Variants in RELN observed in about 807,000 individuals in gnomAD.
RELN encodes reelin.
A neutral mutation model predicts 427.6 loss-of-function variants in RELN; 108 were observed. The ratio of observed to expected loss-of-function variants is 0.25; its 90% confidence interval spans 0.22 to 0.30. The LOEUF (loss-of-function observed/expected upper bound fraction) is 0.30. RELN is among the 10% of genes least tolerant of loss of function. RELN has a pLI of 1.00. For synonymous variants in RELN, 1,524 were observed against 1,513.4 expected (o/e 1.01, Z -0.16); for missense variants, 3,715 against 4,302.8 (o/e 0.86, Z 3.82).
At chr7:103,519,198 T>A in intron 49 of RELN, 125 bp downstream of exon 49, 4 of 743,788 alleles carry the variant, frequency 5.4e-6, no homozygotes, top group Non-Finnish European at 9.4e-6. Flanking sequence ...CCTTCTTCAT[T>A]TCAGTCTCAG....
intron 11 of RELN, among the ~76,000 whole-genome samples, chr7:103,675,404 A>G (rs1170892108): frequency 1.3e-5 from 2 of 152,218 alleles, no homozygotes; most frequent in Non-Finnish European, 2.9e-5. Flanking sequence ...AAACAAATGG[A>G]AGAACATTCC....
intron 1 of RELN, among the ~76,000 whole-genome samples, chr7:103,960,031 C>T (rs1369377469): frequency 6.6e-6 from 1 of 152,144 alleles, no homozygotes; most frequent in Non-Finnish European, 1.5e-5. Flanking sequence ...CCATTCTTGC[C>T]CTCTGCCCCC....
chr7:103,741,371 G>C (rs1170801102), intron 6 of RELN, among the ~76,000 whole-genome samples: 1 of 151,734 alleles, frequency 6.6e-6, no homozygotes, highest in African/African-American at 2.4e-5. Context: ...ATATTCCATA[G>C]ATTTTATAAT....
At position 103,556,959 on chromosome 7, in the gene RELN, G is replaced by A. The variant is rs1331686644; in HGVS notation, c.5797+18C>T. 9.4e-6 allele frequency: 15 copies of A among 1,591,686 alleles called. No individual in the cohort carries two copies. Among genetic ancestry groups the A allele is most frequent in the Non-Finnish European group, 1.2e-5 (14 of 1,159,568 alleles). On this transcript the variant is annotated intron_variant, in intron 38 of 64. Coordinates refer to ENST00000428762, the MANE Select transcript of RELN (RefSeq NM_005045.4). Reference sequence around the variant, plus strand: ...GCCACTATCAGTTCTGATCACAGGAGAACACATGCATTTTTACCGTTATTA... The same window carrying A: ...GCCACTATCAGTTCTGATCACAGGAAAACACATGCATTTTTACCGTTATTA...
intron 3 of RELN, among the ~76,000 whole-genome samples, chr7:103,792,540 G>C (rs1202560097): frequency 2.1e-5 from 1 of 46,746 alleles, no homozygotes; most frequent in East Asian, 8.8e-4. Context: ...ACAGAACATA[G>C]ATTAGTAGTG....
At chr7:103,896,427 G>T (rs1035957309) in intron 2 of RELN, among the ~76,000 whole-genome samples, 1 of 152,164 alleles carries the variant, frequency 6.6e-6, no homozygotes, top group East Asian at 1.9e-4. Flanking sequence ...ATAGCAGGAG[G>T]ATGGAAGAAC....
intron 60 of RELN, among the ~76,000 whole-genome samples, chr7:103,487,069 T>C (rs1404139584): frequency 6.6e-6 from 1 of 152,194 alleles, no homozygotes; most frequent in Non-Finnish European, 1.5e-5. Flanking sequence ...TGGAATACTA[T>C]GCAGCCATAT....
At chr7:103,622,137 T>C (rs1030170372) in intron 20 of RELN, among the ~76,000 whole-genome samples, 1 of 152,262 alleles carries the variant, frequency 6.6e-6, no homozygotes, top group Non-Finnish European at 1.5e-5. Context: ...TGTTCAGTGG[T>C]CTGTCTCCTT....
chr7:103,867,202 A>G lies in RELN; in HGVS notation c.338-33530T>C, dbSNP rs78291738. Among the ~76,000 whole-genome samples the G allele has an allele frequency of 9.9e-3, 1,496 of 151,642 alleles. 11 individuals are homozygous for G. Among genetic ancestry groups the G allele is most frequent in the Admixed American group, 0.015 (229 of 15,206 alleles). Reference sequence around the variant, plus strand: ...TTCTGTGTGGATCTTGTTACAAAGTAAATATTATTTATGTGCTGTTATCCC... The same window carrying G: ...TTCTGTGTGGATCTTGTTACAAAGTGAATATTATTTATGTGCTGTTATCCC... On this transcript the variant is annotated intron_variant, in intron 2 of 64. Coordinates refer to ENST00000428762, the MANE Select transcript of RELN (RefSeq NM_005045.4).
chr7:103,950,240 C>T lies in RELN; in HGVS notation c.227-33055G>A, dbSNP rs557266762. ...GGCTCAAAGGCCCTACTTCCTAATA[C>T]CATCACTTTGGGGATCAGGAATTTA... On this transcript the variant is annotated intron_variant, in intron 1 of 64. Transcript: ENST00000428762. Among the ~76,000 whole-genome samples, 245 of 152,258 alleles carry T rather than the reference C, an allele frequency of 1.6e-3. 2 individuals carry two copies. Among genetic ancestry groups the T allele is most frequent in the African/African-American group, 5.4e-3 (225 of 41,550 alleles).
At chr7:103,936,678 A>G (rs960210445) in intron 1 of RELN, among the ~76,000 whole-genome samples, 1 of 151,794 alleles carries the variant, frequency 6.6e-6, no homozygotes, top group African/African-American at 2.4e-5. Flanking sequence ...CTCCCCCAAG[A>G]AATCTGCTGT....
chr7:103,629,377 C>G (rs939968530), intron 20 of RELN, among the ~76,000 whole-genome samples: 35 of 152,138 alleles, frequency 2.3e-4, no homozygotes, highest in Admixed American at 5.9e-4. Context: ...AATTTTGAAA[C>G]CCCAATGGCA....
At chr7:103,801,860 T>C (rs1020892475) in intron 3 of RELN, among the ~76,000 whole-genome samples, 1 of 152,226 alleles carries the variant, frequency 6.6e-6, no homozygotes, top group Non-Finnish European at 1.5e-5. Flanking sequence ...CAGTATGTGT[T>C]AGCCACAATA....
chr7:103,875,416 C>A (rs138633017), intron 2 of RELN, among the ~76,000 whole-genome samples: 1 of 152,064 alleles, frequency 6.6e-6, no homozygotes, highest in Non-Finnish European at 1.5e-5. Flanking sequence ...TCAGAGTGAA[C>A]AGGCAACCTA....
intron 1 of RELN, among the ~76,000 whole-genome samples, chr7:103,974,214 T>G (rs1299265166): frequency 1.3e-5 from 2 of 152,228 alleles, no homozygotes; most frequent in African/African-American, 2.4e-5. Context: ...GTTTTTCATA[T>G]GCAATAACTC....
intron 2 of RELN, among the ~76,000 whole-genome samples, chr7:103,860,381 C>T (rs73712262): frequency 0.011 from 1,651 of 152,242 alleles, 30 homozygotes; most frequent in African/African-American, 0.038. Context: ...GATCACGCTG[C>T]TTTATTGTTC....
At chr7:103,837,587 T>G (rs1232395203) in intron 2 of RELN, among the ~76,000 whole-genome samples, 1 of 152,160 alleles carries the variant, frequency 6.6e-6, no homozygotes, top group Non-Finnish European at 1.5e-5. Flanking sequence ...CACCAAACAT[T>G]GAGAGAAATC....
rs150965607 is a variant in RELN, at chr7:103,818,950, G to A, written c.473+14587C>T. ...AAAAAGCTAGATTAGAGAATAAAAT[G>A]TATAAGAGAACCCCAAGTTTGTAAA... is the stretch of plus-strand genomic sequence containing the variant. On this transcript the variant is annotated intron_variant, in intron 3 of 64. Transcript: ENST00000428762. 2.9e-3 allele frequency among the ~76,000 whole-genome samples: 445 copies of A among 151,922 alleles called. 3 individuals carry two copies. Among genetic ancestry groups the A allele is most frequent in the African/African-American group, 0.01 (430 of 41,428 alleles).
intron 2 of RELN, among the ~76,000 whole-genome samples, chr7:103,850,264 T>C (rs1455342325): frequency 6.6e-6 from 1 of 152,192 alleles, no homozygotes; most frequent in African/African-American, 2.4e-5. Flanking sequence ...CCCCAAATAC[T>C]GTGAGTGCCC....
Sources: allele counts gnomAD v4.1 joint callset (sites outside exome capture counted in the v4.1 genomes callset), GRCh38; gene constraint gnomAD v4.1.1; transcripts MANE v1.5; gene names NCBI Gene and HGNC (gene_info 2026-07-23, HGNC 2026-07-21).